Variants in ME2 observed in about 807,000 individuals in gnomAD.
The protein encoded by ME2 is NAD-dependent malic enzyme, mitochondrial.
A neutral mutation model predicts 73.7 loss-of-function variants in ME2; 60 were observed. That is an observed-to-expected ratio of 0.81 (90% CI 0.66 to 1.01). The LOEUF is 1.01. Among genes scored for constraint, ME2 ranks in the 50% least tolerant of loss-of-function variants. ME2 has a pLI of 0.00. For missense variants in ME2, 594 were observed against 705.5 expected (o/e 0.84, Z 1.79); for synonymous variants, 199 against 236.9 (o/e 0.84, Z 1.47).
In ME2 at chr18:50,916,167, G is replaced by A; in HGVS notation, c.393-1G>A. Reference sequence around the variant, plus strand: ...GCAAAGGTGTTTTTGTTCTGTTGCAGGGGATTATTTATTTCGATCTCAGAC... The same window carrying A: ...GCAAAGGTGTTTTTGTTCTGTTGCAAGGGATTATTTATTTCGATCTCAGAC... On this transcript the variant is annotated splice_acceptor_variant, in intron 4 of 15. Transcript: ENST00000321341. LOFTEE classifies it high-confidence loss of function. The A allele has an allele frequency of 1.9e-6, 3 of 1,605,588 alleles. No individual in the cohort carries two copies. Among genetic ancestry groups the A allele is most frequent in the Non-Finnish European group, 2.6e-6 (3 of 1,175,940 alleles).
chr18:50,892,111 G>A (rs1916618421), intron 1 of ME2, among the ~76,000 whole-genome samples: 1 of 152,054 alleles, frequency 6.6e-6, no homozygotes, highest in Non-Finnish European at 1.5e-5. Context: ...GTGAGCCACT[G>A]CACCCGGCCT....
At chr18:50,893,442 A>G (rs1280796751) in intron 1 of ME2, among the ~76,000 whole-genome samples, 1 of 152,240 alleles carries the variant, frequency 6.6e-6, no homozygotes, top group East Asian at 1.9e-4. Context: ...AGCAAAATAC[A>G]TAATTTCAAT....
At chr18:50,889,544 T>G (rs556606120) in intron 1 of ME2, among the ~76,000 whole-genome samples, 1 of 152,290 alleles carries the variant, frequency 6.6e-6, no homozygotes, top group South Asian at 2.1e-4. Flanking sequence ...TGAAGACATA[T>G]TAGAATAAAG....
intron 1 of ME2, among the ~76,000 whole-genome samples, chr18:50,892,118 GCCTGGA>G (rs1190215546): frequency 6.6e-6 from 1 of 152,016 alleles, no homozygotes; most frequent in African/African-American, 2.4e-5. Flanking sequence ...ACTGCACCCG[GCCTGGA>G]CTTGTAATTC....
intron 15 of ME2, chr18:50,942,867 T>G (rs1018242765): frequency 2.2e-5 from 5 of 231,616 alleles, no homozygotes; most frequent in South Asian, 3.6e-4. Context: ...CTGCAAGTAA[T>G]TTTTTCTTTT....
chr18:50,926,004 C>T, intron 12 of ME2, 106 bp downstream of exon 12: 1 of 797,774 alleles, frequency 1.3e-6, no homozygotes, highest in Non-Finnish European at 2.0e-6. Flanking sequence ...GAGATTACAG[C>T]ATGCATCTAT....
rs932918400 is a variant in ME2, at chr18:50,947,655, T to G, written c.*471T>G. ...AAAAATTGTCATTATCTAAAAATGT[T>G]CTTATATATCTGCTTCATCTTACCT... On this transcript the variant is annotated 3_prime_UTR_variant, in exon 16 of 16. Transcript: ENST00000321341. The G allele has an allele frequency of 1.3e-5, 2 of 152,848 alleles. No homozygotes were observed. Among genetic ancestry groups the G allele is most frequent in the African/African-American group, 2.4e-5 (1 of 41,458 alleles). The allele number at this position is 152,848 out of a possible 1,614,324, so 9.5% of individuals were successfully genotyped here.
rs1918126635 is a variant in ME2 at position 50,947,942 on chromosome 18, T to A, written c.*758T>A. The A allele has an allele frequency of 6.6e-6, 1 of 152,212 alleles. No individual in the cohort carries two copies. Among genetic ancestry groups the A allele is most frequent in the Non-Finnish European group, 1.5e-5 (1 of 68,030 alleles). 9.4% of individuals were successfully genotyped at this position (152,212 alleles called of 1,614,324 possible). On this transcript the variant is annotated 3_prime_UTR_variant, in exon 16 of 16. Transcript: ENST00000321341. ...CCAACTAGAAATTTAGATTTGCTTA[T>A]GAAAAACACATATTTTTGTTACTTC...
At chr18:50,921,357 A>G (rs1917423925) in intron 10 of ME2, among the ~76,000 whole-genome samples, 170 bp downstream of exon 10, 1 of 152,144 alleles carries the variant, frequency 6.6e-6, no homozygotes, top group Admixed American at 6.6e-5. Context: ...TCTTTTACAA[A>G]GACTTCTGCT....
chr18:50,924,315 G>C (rs939374311), intron 11 of ME2, 103 bp downstream of exon 11: 1 of 732,778 alleles, frequency 1.4e-6, no homozygotes, highest in Non-Finnish European at 2.3e-6. Flanking sequence ...GTTTTACCTA[G>C]CTTTCAGCAT....
At chr18:50,918,084 AT>A in intron 6 of ME2, 25 bp from the exon 7 acceptor site, 1 of 1,426,256 alleles carries the variant, frequency 7.0e-7, no homozygotes, top group East Asian at 2.4e-5. Context: ...AAATTATTTT[AT>A]TTTTACATTT....
chr18:50,884,975 C>T (rs374973860), intron 1 of ME2, among the ~76,000 whole-genome samples: 6 of 152,280 alleles, frequency 3.9e-5, no homozygotes, highest in East Asian at 1.9e-4. Flanking sequence ...CCACCTCAGT[C>T]TCCCGAGTAG....
intron 4 of ME2, 76 bp downstream of exon 4, chr18:50,913,026 T>A (rs1917195727): frequency 1.6e-6 from 2 of 1,288,210 alleles, no homozygotes; most frequent in African/African-American, 3.1e-5. Flanking sequence ...CCCATTACAT[T>A]TCTATTTTAT....
At chr18:50,914,147 G>A (rs1481468371) in intron 4 of ME2, among the ~76,000 whole-genome samples, 1 of 152,086 alleles carries the variant, frequency 6.6e-6, no homozygotes, top group Non-Finnish European at 1.5e-5. Flanking sequence ...AAGAAAAAAG[G>A]TCTGGAGGTC....
chr18:50,925,779 T>C lies in ME2; in HGVS notation c.1195T>C (p.Phe399Leu). The C allele has an allele frequency of 6.2e-7, 1 of 1,613,982 alleles. No individual in the cohort carries two copies. Among genetic ancestry groups the C allele is most frequent in the South Asian group, 1.1e-5 (1 of 91,074 alleles). The stretch of plus-strand genomic sequence containing the variant: ...AGGAGTTGCAGGTGCTGGCCGTCTT[T>C]TCACTCCTGATGTAATCAGAGCCAT... ...IIGVAGAGRLFTPDVIRAMAS... is the reference protein window; with the variant it reads ...IIGVAGAGRLLTPDVIRAMAS... The change falls in exon 12 of 16, where the codon TTC (phenylalanine) becomes CTC (leucine). Residue 399 changes from phenylalanine to leucine, a missense_variant. Phe to Leu is a conservative substitution (Grantham distance 22). Coordinates refer to ENST00000321341, the MANE Select transcript of ME2 (RefSeq NM_002396.5).
chr18:50,939,401 A>G, intron 13 of ME2, 169 bp from the exon 14 acceptor site: 1 of 517,240 alleles, frequency 1.9e-6, no homozygotes, highest in Non-Finnish European at 3.5e-6. Flanking sequence ...AGAATTATTA[A>G]AGATCGTTTG....
intron 15 of ME2, among the ~76,000 whole-genome samples, chr18:50,946,507 A>C (rs891970176): frequency 2.0e-5 from 3 of 152,252 alleles, no homozygotes; most frequent in Non-Finnish European, 4.4e-5. Flanking sequence ...TGTAAAACAC[A>C]TAGAAAGTGC....
At chr18:50,941,853 AT>A (rs1917970990) in intron 15 of ME2, among the ~76,000 whole-genome samples, 1 of 151,792 alleles carries the variant, frequency 6.6e-6, no homozygotes, top group South Asian at 2.1e-4. Context: ...ACTTAGAATT[AT>A]TTTTTTAATC....
intron 9 of ME2, 113 bp from the exon 10 acceptor site, chr18:50,920,961 G>T (rs1917412071): frequency 1.4e-6 from 1 of 718,088 alleles, no homozygotes; most frequent in Non-Finnish European, 2.2e-6. Context: ...TGTTTGATTT[G>T]TAAGGGAAAA....
Sources: allele counts gnomAD v4.1 joint callset (sites outside exome capture counted in the v4.1 genomes callset), GRCh38; gene constraint gnomAD v4.1.1; transcripts MANE v1.5; gene names NCBI Gene and HGNC (gene_info 2026-07-23, HGNC 2026-07-21).